The following DCC variants were observed in gnomAD, a reference collection of about 807,000 sequenced individuals.
The protein encoded by DCC is netrin receptor DCC.
A neutral mutation model predicts 172.5 loss-of-function variants in DCC; 58 were observed. That is an observed-to-expected ratio of 0.34 (90% CI 0.27 to 0.42). DCC has a LOEUF of 0.42. Among genes scored for constraint, DCC ranks in the 10% least tolerant of loss-of-function variants. The pLI is 1.00. For synonymous variants in DCC, 709 were observed against 644.5 expected (o/e 1.10, Z -1.52); for missense variants, 1,740 against 1,791.0 (o/e 0.97, Z 0.51).
At chr18:53,256,173 C>G (rs2144669459) in intron 12 of DCC, among the ~76,000 whole-genome samples, 1 of 152,222 alleles carries the variant, frequency 6.6e-6, no homozygotes, top group African/African-American at 2.4e-5. Context: ...TGCCTGTTCA[C>G]TCTGATGGTA....
At chr18:52,775,365 G>T (rs371776339) in intron 2 of DCC, among the ~76,000 whole-genome samples, 1 of 152,124 alleles carries the variant, frequency 6.6e-6, no homozygotes, top group African/African-American at 2.4e-5. Flanking sequence ...GCTGTCTACC[G>T]GAGGCTTGTG....
intron 2 of DCC, among the ~76,000 whole-genome samples, chr18:52,856,353 C>T (rs376446333): frequency 2.0e-5 from 3 of 151,456 alleles, no homozygotes; most frequent in East Asian, 2.0e-4. Flanking sequence ...AGGCCGGGCG[C>T]GGTGGCTCAC....
At chr18:53,199,083 T>C (rs2055495070) in intron 9 of DCC, among the ~76,000 whole-genome samples, 1 of 151,208 alleles carries the variant, frequency 6.6e-6, no homozygotes, top group African/African-American at 2.4e-5. Context: ...CTTTTTCTTT[T>C]TTTTTTTTTT....
At chr18:53,290,886 G>T (rs911720385) in intron 12 of DCC, among the ~76,000 whole-genome samples, 4 of 152,000 alleles carry the variant, frequency 2.6e-5, no homozygotes, top group African/African-American at 4.8e-5. Flanking sequence ...AAAAATGTTG[G>T]GGCCAGGCAC....
intron 5 of DCC, among the ~76,000 whole-genome samples, chr18:53,041,851 T>A (rs1238166152): frequency 6.6e-6 from 1 of 152,110 alleles, no homozygotes; most frequent in Non-Finnish European, 1.5e-5. Flanking sequence ...TTTTTCCACA[T>A]TGATTTTGTA....
intron 5 of DCC, among the ~76,000 whole-genome samples, chr18:52,994,226 G>T (rs2041442928): frequency 6.6e-6 from 1 of 151,924 alleles, no homozygotes; most frequent in Admixed American, 6.6e-5. Context: ...TTTATTGACA[G>T]AATACTCTTT....
intron 1 of DCC, among the ~76,000 whole-genome samples, chr18:52,399,275 C>T (rs979877416): frequency 1.1e-4 from 16 of 152,028 alleles, no homozygotes; most frequent in African/African-American, 3.9e-4. Context: ...TTACTGATGA[C>T]AATCTAACTT....
At chr18:53,054,472 A>G (rs1599075275) in intron 5 of DCC, among the ~76,000 whole-genome samples, 1 of 152,264 alleles carries the variant, frequency 6.6e-6, no homozygotes, top group Non-Finnish European at 1.5e-5. Flanking sequence ...CTATATTAAC[A>G]AAAGCGTAGC....
intron 1 of DCC, among the ~76,000 whole-genome samples, chr18:52,525,533 G>T (rs1346798471): frequency 1.3e-5 from 2 of 152,196 alleles, no homozygotes; most frequent in Non-Finnish European, 2.9e-5. Context: ...AACTGCAATG[G>T]TTGGGATGAG....
At chr18:53,103,111 A>G (rs1359767205) in intron 7 of DCC, among the ~76,000 whole-genome samples, 1 of 152,026 alleles carries the variant, frequency 6.6e-6, no homozygotes, top group Non-Finnish European at 1.5e-5. Context: ...GTGATTTCTT[A>G]TTGAGCACTA....
At chr18:52,584,004 C>T (rs1041843951) in intron 1 of DCC, among the ~76,000 whole-genome samples, 1 of 152,164 alleles carries the variant, frequency 6.6e-6, no homozygotes, top group African/African-American at 2.4e-5. Flanking sequence ...GTGAATGTTT[C>T]AGAATTTGTG....
chr18:53,025,079 T>C (rs1038724545), intron 5 of DCC, among the ~76,000 whole-genome samples: 11 of 152,090 alleles, frequency 7.2e-5, no homozygotes, highest in African/African-American at 2.4e-4. Flanking sequence ...CACAAAAAGA[T>C]GAAAAGCTTT....
intron 1 of DCC, among the ~76,000 whole-genome samples, chr18:52,721,881 C>T (rs1227668781): frequency 2.6e-5 from 4 of 152,148 alleles, no homozygotes; most frequent in Middle Eastern, 3.4e-3. Flanking sequence ...AAAGATTAGC[C>T]GGGCATGGTG....
At chr18:52,451,630 C>A (rs1378871463) in intron 1 of DCC, among the ~76,000 whole-genome samples, 1 of 152,030 alleles carries the variant, frequency 6.6e-6, no homozygotes, top group Admixed American at 6.6e-5. Context: ...CTTTTGGTTG[C>A]AAGTAATAGG....
At chr18:53,367,118 T>C (rs2058014274) in intron 15 of DCC, among the ~76,000 whole-genome samples, 1 of 152,260 alleles carries the variant, frequency 6.6e-6, no homozygotes, top group Admixed American at 6.5e-5. Flanking sequence ...AGATTCATCA[T>C]TGAAAAATAT....
At chr18:52,369,698 A>G (rs906208679) in intron 1 of DCC, among the ~76,000 whole-genome samples, 1 of 151,974 alleles carries the variant, frequency 6.6e-6, no homozygotes, top group African/African-American at 2.4e-5. Context: ...AAATATCAGC[A>G]TGGTGTTTAT....
In DCC at chr18:52,824,967, C is replaced by CATATAT. The variant is rs148347043; in HGVS notation, c.412+72604_412+72609dup. Reference sequence around the variant, plus strand: ...CCTGGGCAACAGAGCGAGACTCCCTCATATATATATATATATGTCTTGACT... The same window carrying CATATAT: ...CCTGGGCAACAGAGCGAGACTCCCTCATATATATATATATATATATATGTCTTGACT... On this transcript the variant is annotated intron_variant, in intron 2 of 28. Transcript: ENST00000442544. Among the ~76,000 whole-genome samples the CATATAT allele has an allele frequency of 7.8e-4, 116 of 148,362 alleles. 1 individual carries two copies. The highest frequency in any genetic ancestry group is 2.3e-3 in the Admixed American group (34 of 14,852).
At chr18:53,071,695 C>A (rs1360131382) in intron 7 of DCC, among the ~76,000 whole-genome samples, 1 of 152,070 alleles carries the variant, frequency 6.6e-6, no homozygotes, top group Non-Finnish European at 1.5e-5. Flanking sequence ...GATCTGGGGA[C>A]AGAGTTTTAT....
At chr18:52,750,775 C>T (rs958460340) in intron 1 of DCC, among the ~76,000 whole-genome samples, 1 of 152,094 alleles carries the variant, frequency 6.6e-6, no homozygotes, top group South Asian at 2.1e-4. Context: ...ATATGGATTA[C>T]CTGCAATTTA....
Sources: allele counts gnomAD v4.1 joint callset (sites outside exome capture counted in the v4.1 genomes callset), GRCh38; gene constraint gnomAD v4.1.1; transcripts MANE v1.5; gene names NCBI Gene and HGNC (gene_info 2026-07-23, HGNC 2026-07-21).